Variants in INSL6 observed in about 807,000 individuals in gnomAD.
INSL6 encodes insulin-like peptide INSL6.
Under a neutral mutation model 9.4 loss-of-function variants are expected in INSL6, and 16 were observed. The ratio of observed to expected loss-of-function variants is 1.70; its 90% CI spans 1.15 to 2.59. INSL6 has a LOEUF of 2.59. Ranked by LOEUF, INSL6 falls within the 30% of genes most tolerant of loss-of-function variation. The probability of loss-of-function intolerance (pLI) is 0.00; values close to 1 mark genes in which losing one functional copy is unlikely to be tolerated. For missense variants in INSL6, 391 were observed against 257.3 expected, an observed-to-expected ratio of 1.52 and a Z score of -3.56; for synonymous variants, 154 against 96.9, an observed-to-expected ratio of 1.59 and a Z score of -3.46.
the INSL6 span, among the ~76,000 whole-genome samples, chr9:5,031,471 G>A: frequency 2.0e-5 from 3 of 152,100 alleles, no homozygotes; most frequent in Admixed American, 2.0e-4. Flanking sequence ...AACGTGGAAG[G>A]GAGAGATTAG....
At chr9:5,073,861 G>C in the INSL6 span, 1 of 939,726 alleles carries the variant, frequency 1.1e-6, no homozygotes, top group Non-Finnish European at 1.7e-6. Flanking sequence ...TCAGTTTCAG[G>C]ATCACAGCTA....
chr9:5,166,736 T>C (rs1384763915), intron 1 of INSL6, among the ~76,000 whole-genome samples: 1 of 152,038 alleles, frequency 6.6e-6, no homozygotes, highest in Non-Finnish European at 1.5e-5. Flanking sequence ...AAACAGTAAA[T>C]TCTAATAATA....
At chr9:5,126,643 C>T in intron 3 of INSL6, 1 of 1,372,930 alleles carries the variant, frequency 7.3e-7, no homozygotes, top group Middle Eastern at 1.8e-4. Flanking sequence ...AAAGATGGCC[C>T]TTAGTGTTCA....
At chr9:5,129,374 A>G (rs761686298) in intron 3 of INSL6, among the ~76,000 whole-genome samples, 22 of 152,114 alleles carry the variant, frequency 1.4e-4, no homozygotes, top group Non-Finnish European at 2.6e-4. Context: ...CTTACCTTCC[A>G]GTTTTTAAGA....
the INSL6 span, among the ~76,000 whole-genome samples, chr9:5,107,347 G>C: frequency 6.6e-6 from 1 of 151,976 alleles, no homozygotes; most frequent in Non-Finnish European, 1.5e-5. Flanking sequence ...AGGCAGATTT[G>C]ACCCAATAAC....
At chr9:5,053,774 G>A in the INSL6 span, among the ~76,000 whole-genome samples, 2 of 151,992 alleles carry the variant, frequency 1.3e-5, no homozygotes, top group Admixed American at 1.3e-4. Context: ...CTTTGTGCCT[G>A]TGGATTCTAC....
chr9:5,145,509 C>G (rs1824585503), intron 2 of INSL6, among the ~76,000 whole-genome samples: 1 of 152,134 alleles, frequency 6.6e-6, no homozygotes. Context: ...GCCTGTCTTG[C>G]TAGGTTGGGA....
the INSL6 span, chr9:5,099,567 C>G: frequency 6.6e-6 from 1 of 152,112 alleles, no homozygotes; most frequent in Non-Finnish European, 1.5e-5. Context: ...TTAAAATGAA[C>G]GAAATCTATT....
At chr9:5,048,212 G>T in the INSL6 span, among the ~76,000 whole-genome samples, 1 of 151,870 alleles carries the variant, frequency 6.6e-6, no homozygotes, top group Non-Finnish European at 1.5e-5. Flanking sequence ...CGTGATCTCG[G>T]CTCACTGCAA....
the INSL6 span, among the ~76,000 whole-genome samples, chr9:5,008,864 G>T: frequency 6.6e-6 from 1 of 151,918 alleles, no homozygotes; most frequent in Non-Finnish European, 1.5e-5. Context: ...GTACTCCCTG[G>T]ATTGATCCTC....
the INSL6 span, among the ~76,000 whole-genome samples, chr9:5,104,540 A>C: frequency 6.6e-6 from 1 of 152,194 alleles, no homozygotes; most frequent in South Asian, 2.1e-4. Context: ...AAAAGAGGGA[A>C]TCCTCCCTAA....
the INSL6 span, among the ~76,000 whole-genome samples, chr9:5,065,631 A>G: frequency 6.6e-6 from 1 of 152,240 alleles, no homozygotes; most frequent in Non-Finnish European, 1.5e-5. Flanking sequence ...AAATAGCTAC[A>G]TGTGGCTAGT....
At chr9:5,164,503 C>G (rs1418172691) in intron 1 of INSL6, among the ~76,000 whole-genome samples, 1 of 152,224 alleles carries the variant, frequency 6.6e-6, no homozygotes, top group Admixed American at 6.5e-5. Context: ...ATATCATTCA[C>G]ATGCTATAAA....
At chr9:5,033,729 T>A in the INSL6 span, among the ~76,000 whole-genome samples, 1 of 151,846 alleles carries the variant, frequency 6.6e-6, no homozygotes, top group Non-Finnish European at 1.5e-5. Context: ...CTAAAAGAGC[T>A]CCTGAAGGAA....
At chr9:5,129,172 T>TA (rs1824186790) in intron 3 of INSL6, among the ~76,000 whole-genome samples, 1 of 152,122 alleles carries the variant, frequency 6.6e-6, no homozygotes, top group African/African-American at 2.4e-5. Flanking sequence ...TACAGTTCTG[T>TA]ATCTATAGAG....
intron 2 of INSL6, among the ~76,000 whole-genome samples, chr9:5,156,340 GC>G (rs1444408452): frequency 3.3e-5 from 5 of 152,146 alleles, no homozygotes; most frequent in African/African-American, 1.2e-4. Flanking sequence ...ACTTTAGCAG[GC>G]CCCCATTACT....
intron 2 of INSL6, among the ~76,000 whole-genome samples, chr9:5,135,923 T>C (rs1166146934): frequency 1.3e-5 from 2 of 151,892 alleles, no homozygotes; most frequent in Non-Finnish European, 2.9e-5. Context: ...ATAGACTTAA[T>C]AAAAAATGAT....
chr9:5,002,636 T>G, the INSL6 span, among the ~76,000 whole-genome samples: 1 of 151,944 alleles, frequency 6.6e-6, no homozygotes, highest in Non-Finnish European at 1.5e-5. Context: ...TAAATGTCAG[T>G]TATATTTAGT....
intron 2 of INSL6, among the ~76,000 whole-genome samples, chr9:5,139,235 G>C (rs1351558169): frequency 6.6e-6 from 1 of 152,096 alleles, no homozygotes. Flanking sequence ...GTATAGCATT[G>C]TGGCTTTGAA....
Sources: gnomAD v4.1 joint callset for allele counts (sites outside exome capture counted in the v4.1 genomes callset) on GRCh38, gnomAD v4.1.1 for gene constraint, MANE v1.5 for transcripts, NCBI Gene and HGNC (gene_info 2026-07-23, HGNC 2026-07-21) for gene names.